The following RAI2 variants were observed in gnomAD, a reference collection of about 807,000 sequenced individuals.
RAI2 encodes the protein retinoic acid induced 2.
A neutral mutation model predicts 15.3 loss-of-function variants in RAI2; 5 were observed. The observed-to-expected ratio is 0.33, with a 90% CI of 0.17 to 0.69. The LOEUF (loss-of-function observed/expected upper bound fraction) is 0.69, where lower values mean the gene tolerates loss of function less well. RAI2 is among the 30% of genes least tolerant of loss of function. The pLI is 0.69. For missense variants in RAI2, 424 were observed against 424.7 expected (o/e 1.00, Z 0.01); for synonymous variants, 191 against 184.0 (o/e 1.04, Z -0.31).
intron 1 of RAI2, among the ~76,000 whole-genome samples, chrX:17,802,562 G>C (rs766075858): frequency 8.9e-6 from 1 of 112,167 alleles, no homozygotes; most frequent in Non-Finnish European, 1.9e-5. Context: ...ATAAGCACAA[G>C]GGTCATTACA....
At chrX:17,848,618 C>A (rs1024636365) in intron 1 of RAI2, among the ~76,000 whole-genome samples, 6 of 111,848 alleles carry the variant, frequency 5.4e-5, no homozygotes, top group East Asian at 2.8e-4. Context: ...GCCACTCACA[C>A]CCCCTCACCT....
At chrX:17,838,966 A>C (rs1369185570) in intron 1 of RAI2, among the ~76,000 whole-genome samples, 1 of 112,280 alleles carries the variant, frequency 8.9e-6, no homozygotes, top group East Asian at 2.8e-4. Flanking sequence ...CTCAGGGCCA[A>C]CTCTTAGAAT....
At chrX:17,853,355 A>G (rs761873232) in intron 1 of RAI2, among the ~76,000 whole-genome samples, 2 of 112,409 alleles carry the variant, frequency 1.8e-5, no homozygotes, top group African/African-American at 3.2e-5. Flanking sequence ...TCAGAGGGGG[A>G]AAATTGTGTC....
intron 1 of RAI2, among the ~76,000 whole-genome samples, chrX:17,812,579 A>G (rs2067061502): frequency 8.9e-6 from 1 of 112,265 alleles, no homozygotes; most frequent in African/African-American, 3.2e-5. Context: ...ACTCATGAGC[A>G]CTTTCAAGGG....
chrX:17,818,501 G>A (rs911282022), intron 1 of RAI2, among the ~76,000 whole-genome samples: 3 of 34,666 alleles, frequency 8.7e-5, no homozygotes, highest in Non-Finnish European at 1.5e-4. Context: ...AGGAATGCTA[G>A]AAATGTGTGT....
intron 1 of RAI2, among the ~76,000 whole-genome samples, chrX:17,822,255 G>A (rs1174489221): frequency 9.0e-6 from 1 of 111,634 alleles, no homozygotes; most frequent in Non-Finnish European, 1.9e-5. Context: ...TAATATTGTG[G>A]ATGTAAATAT....
intron 1 of RAI2, among the ~76,000 whole-genome samples, chrX:17,810,058 C>T (rs888021376): frequency 8.9e-6 from 1 of 111,741 alleles, no homozygotes; most frequent in Non-Finnish European, 1.9e-5. Flanking sequence ...AGGCATGAGC[C>T]ACCGTGCCCG....
intron 1 of RAI2, among the ~76,000 whole-genome samples, chrX:17,806,618 G>A (rs770980489): frequency 2.4e-4 from 27 of 111,743 alleles, no homozygotes; most frequent in Admixed American, 1.2e-3. Context: ...GCCCAGGACA[G>A]ATGAGGAGGT....
At chrX:17,829,277 GA>G (rs11479454) in intron 1 of RAI2, among the ~76,000 whole-genome samples, 1,508 of 52,233 alleles carry the variant, frequency 0.029, 42 homozygotes, top group African/African-American at 0.087. Flanking sequence ...CATCTGTATG[GA>G]AAAAAAAAAA....
chrX:17,859,033 G>A (rs1342977020), intron 1 of RAI2, among the ~76,000 whole-genome samples: 2 of 111,473 alleles, frequency 1.8e-5, no homozygotes, highest in Non-Finnish European at 3.8e-5. Flanking sequence ...TGTATGTGGG[G>A]GTGTGGGGGC....
intron 1 of RAI2, among the ~76,000 whole-genome samples, chrX:17,806,910 T>G (rs1452854124): frequency 1.8e-5 from 2 of 110,182 alleles, no homozygotes; most frequent in Non-Finnish European, 3.8e-5. Context: ...TGTTGAGAAC[T>G]CTATCGTAAG....
chrX:17,853,144 C>T (rs2067556810), intron 1 of RAI2, among the ~76,000 whole-genome samples: 1 of 111,232 alleles, frequency 9.0e-6, no homozygotes, highest in Non-Finnish European at 1.9e-5. Flanking sequence ...TAAACCTGTT[C>T]TCTTTATGAA....
At chrX:17,828,259 C>T (rs1291263802) in intron 1 of RAI2, among the ~76,000 whole-genome samples, 2 of 110,145 alleles carry the variant, frequency 1.8e-5, no homozygotes, top group African/African-American at 6.6e-5. Flanking sequence ...TGTGAATCAC[C>T]GAGAAATGCC....
At chrX:17,803,492 C>G (rs2066943322) in intron 1 of RAI2, among the ~76,000 whole-genome samples, 1 of 110,123 alleles carries the variant, frequency 9.1e-6, no homozygotes, top group African/African-American at 3.3e-5. Flanking sequence ...GATCGCATCA[C>G]TGCACTCCAG....
chrX:17,858,981 C>A (rs2067654480), intron 1 of RAI2, among the ~76,000 whole-genome samples: 1 of 111,597 alleles, frequency 9.0e-6, no homozygotes, highest in South Asian at 3.8e-4. Context: ...TAGTGGGCAT[C>A]TGTCAGGACG....
chrX:17,800,387 T>C lies in RAI2; in HGVS notation c.*31A>G, dbSNP rs1226292762. On this transcript the variant is annotated 3_prime_UTR_variant, in exon 2 of 2. Transcript: ENST00000451717. ...AAAACCAATGCACCTTTCCCCATATTATAATCATACAAATTTTAAAAAGCC... is the reference window on the plus strand; with the variant it reads ...AAAACCAATGCACCTTTCCCCATATCATAATCATACAAATTTTAAAAAGCC... 14 of 1,152,292 alleles carry C rather than the reference T, an allele frequency of 1.2e-5. No individual in the cohort carries two copies. Among genetic ancestry groups the C allele is most frequent in the African/African-American group, 1.8e-5 (1 of 55,427 alleles). The allele number at this position is 1,152,292 out of a possible 1,213,427, so 95.0% of individuals were successfully genotyped here.
intron 1 of RAI2, among the ~76,000 whole-genome samples, chrX:17,805,687 G>A (rs912652369): frequency 8.9e-6 from 1 of 112,210 alleles, no homozygotes; most frequent in Non-Finnish European, 1.9e-5. Flanking sequence ...CAGGGCAAAG[G>A]GGAAAAACCC....
At chrX:17,808,275 C>T (rs758812984) in intron 1 of RAI2, among the ~76,000 whole-genome samples, 13 of 110,700 alleles carry the variant, frequency 1.2e-4, no homozygotes, top group Non-Finnish European at 2.3e-4. Flanking sequence ...AAATACAAAT[C>T]TCAGGCCACA....
intron 1 of RAI2, among the ~76,000 whole-genome samples, chrX:17,824,941 G>T (rs2147242441): frequency 8.9e-6 from 1 of 112,325 alleles, no homozygotes; most frequent in East Asian, 2.8e-4. Context: ...TAATGGTGGG[G>T]CTTTGAATCA....
Sources: allele counts gnomAD v4.1 joint callset (sites outside exome capture counted in the v4.1 genomes callset), GRCh38; gene constraint gnomAD v4.1.1; transcripts MANE v1.5; gene names NCBI Gene and HGNC (gene_info 2026-07-23, HGNC 2026-07-21).